Variants in NEK10 observed in about 807,000 individuals in gnomAD.
NEK10 encodes the protein NIMA related kinase 10, also known as serine/threonine-protein kinase Nek10.
In NEK10, 122 loss-of-function variants were observed where a neutral mutation model predicts 159.8. That is an observed-to-expected ratio of 0.76 (90% CI 0.66 to 0.89). The LOEUF (loss-of-function observed/expected upper bound fraction) is 0.89, where lower values mean the gene tolerates loss of function less well. Ranked by LOEUF, NEK10 falls within the 40% of genes least tolerant of loss-of-function variation. The probability of loss-of-function intolerance (pLI) is 0.00; values close to 1 mark genes in which losing one functional copy is unlikely to be tolerated. For missense variants in NEK10, 1,342 were observed against 1,323.1 expected (o/e 1.01, Z -0.22); for synonymous variants, 466 against 457.1 (o/e 1.02, Z -0.25).
chr3:27,123,194 T>C (rs752678030), intron 32 of NEK10, among the ~76,000 whole-genome samples: 5 of 152,116 alleles, frequency 3.3e-5, no homozygotes, highest in Non-Finnish European at 7.4e-5. Context: ...GACAACAGGA[T>C]AATAATGAGC....
At chr3:27,368,071 T>C (rs2049228467) in intron 1 of NEK10, among the ~76,000 whole-genome samples, 1 of 152,080 alleles carries the variant, frequency 6.6e-6, no homozygotes, top group South Asian at 2.1e-4. Flanking sequence ...GGCGGGTGGA[T>C]CACCTGAGAT....
chr3:27,282,653 T>TAACTGTGTTATATATATATAC (rs2042284315), intron 22 of NEK10, among the ~76,000 whole-genome samples: 1 of 138,700 alleles, frequency 7.2e-6, no homozygotes, highest in African/African-American at 2.7e-5. Flanking sequence ...TATATATACA[T>TAACTGTGTTATATATATATAC]AACTGTGTTA....
intron 30 of NEK10, among the ~76,000 whole-genome samples, chr3:27,147,416 T>C (rs900395874): frequency 1.3e-5 from 2 of 152,238 alleles, no homozygotes; most frequent in African/African-American, 4.8e-5. Flanking sequence ...AGTCTAGGCC[T>C]AGATGCCCCT....
intron 6 of NEK10, 77 bp downstream of exon 6, chr3:27,322,100 C>A: frequency 1.4e-6 from 1 of 740,192 alleles, no homozygotes; most frequent in Admixed American, 2.6e-5. Flanking sequence ...ACATGGACTA[C>A]TTCAAAGAAA....
chr3:27,358,968 G>A (rs1166051398), intron 1 of NEK10, among the ~76,000 whole-genome samples: 1 of 152,134 alleles, frequency 6.6e-6, no homozygotes, highest in East Asian at 1.9e-4. Context: ...ACTTTGGGAG[G>A]CCAAGGCAGG....
intron 30 of NEK10, among the ~76,000 whole-genome samples, chr3:27,158,690 G>A (rs1338750532): frequency 6.6e-6 from 1 of 152,188 alleles, no homozygotes; most frequent in Non-Finnish European, 1.5e-5. Context: ...ACCTGAGCAA[G>A]GGAGGGGAAA....
chr3:27,315,252 C>T (rs888800892), intron 6 of NEK10, among the ~76,000 whole-genome samples: 2 of 152,044 alleles, frequency 1.3e-5, no homozygotes, highest in African/African-American at 2.4e-5. Flanking sequence ...TGCACAGGGA[C>T]GAGTACATGA....
At chr3:27,241,053 G>A (rs1954506005) in intron 23 of NEK10, among the ~76,000 whole-genome samples, 1 of 152,124 alleles carries the variant, frequency 6.6e-6, no homozygotes, top group Admixed American at 6.6e-5. Context: ...ACTACAGGGA[G>A]GCAGACAGTC....
chr3:27,328,274 A>T (rs9310842), intron 5 of NEK10, among the ~76,000 whole-genome samples: 98,396 of 152,092 alleles, frequency 0.65, 34,185 homozygotes, highest in East Asian at 0.88. Context: ...ATGCACTTGT[A>T]CTCATGGAGC....
intron 30 of NEK10, among the ~76,000 whole-genome samples, chr3:27,160,400 T>A (rs1945906023): frequency 6.6e-6 from 1 of 152,166 alleles, no homozygotes; most frequent in African/African-American, 2.4e-5. Flanking sequence ...CAACCAATCA[T>A]CCAAATTGAC....
rs1955638001 is a variant in NEK10 at position 27,251,280 on chromosome 3, A to C, written c.2090+5016T>G. On this transcript the variant is annotated intron_variant, in intron 23 of 35. Transcript: ENST00000691995. ...TCTGTCAATACCATGGTCTTTTTCC[A>C]ATTATGCTTATTTTTGAAAATCCCT... Among the ~76,000 whole-genome samples the C allele has an allele frequency of 2.0e-5, 3 of 152,118 alleles. No homozygotes were observed. In the South Asian group the frequency reaches 6.2e-4, roughly 32 times the overall value.
intron 23 of NEK10, among the ~76,000 whole-genome samples, chr3:27,212,221 A>C (rs1951070055): frequency 3.3e-5 from 5 of 152,216 alleles, no homozygotes; most frequent in Non-Finnish European, 1.5e-5. Flanking sequence ...TACAGTATTA[A>C]AATCTGTGTT....
At position 27,170,967 on chromosome 3, in the gene NEK10, C is replaced by T. The variant is rs562142300; in HGVS notation, c.2831+852G>A. Among the ~76,000 whole-genome samples the T allele has an allele frequency of 4.4e-4, 67 of 152,184 alleles. 1 individual carries two copies. The South Asian group carries it at 0.014, about 32-fold the overall frequency. ...ATTGGTCTCTTCTCCTTCCTCTGTC[C>T]CAAATGCCCTGAGTTCATCCTGATT... is the stretch of plus-strand genomic sequence containing the variant. On this transcript the variant is annotated intron_variant, in intron 29 of 35. Transcript: ENST00000691995.
intron 30 of NEK10, among the ~76,000 whole-genome samples, chr3:27,144,545 G>A (rs910001142): frequency 1.3e-5 from 2 of 152,118 alleles, no homozygotes; most frequent in Admixed American, 6.5e-5. Flanking sequence ...TCTACACCTC[G>A]GTCAACAATA....
rs180847801 is a variant in NEK10 at position 27,135,040 on chromosome 3, C to T, written c.2971-3050G>A. ...ATTATGTAACATGCAAGAATACTTT[C>T]TGAGCAGCGTCTTCTAGCACAGCCA... On this transcript the variant is annotated intron_variant, in intron 31 of 35. Transcript: ENST00000691995. 3.3e-4 allele frequency among the ~76,000 whole-genome samples: 51 copies of T among 152,268 alleles called. No homozygotes were observed. The East Asian group carries it at 9.8e-3, about 29-fold the overall frequency.
In NEK10 at chr3:27,162,004, CA is replaced by C. The variant is rs1361962129; in HGVS notation, c.2869+696del. Among the ~76,000 whole-genome samples the C allele has an allele frequency of 5.8e-3, 683 of 117,458 alleles. 6 individuals carry two copies. Among genetic ancestry groups the C allele is most frequent in the African/African-American group, 0.018 (562 of 31,802 alleles). 77.1% of individuals were successfully genotyped at this position (117,458 alleles called of 152,430 possible). A position where few individuals can be genotyped will look rare whatever the true frequency, so the allele number is the denominator to read the frequency against. ...TGGGTGACAAAGTGAGATTCTGTCT[CA>C]AAAAAAAAAAGAAAAGAAAAGAAAC... On this transcript the variant is annotated intron_variant, in intron 30 of 35. Coordinates refer to ENST00000691995, the MANE Select transcript of NEK10 (RefSeq NM_001394966.1).
chr3:27,174,459 G>T lies in NEK10; in HGVS notation c.2756C>A (p.Pro919His). 2.5e-6 allele frequency: 4 copies of T among 1,612,076 alleles called. No homozygotes were observed. The South Asian group carries it at 4.4e-5, about 18-fold the overall frequency. Residue 919 changes from proline (P) to histidine (H), a missense_variant, in exon 28 of 36, where the codon CCT becomes CAT. Transcript: ENST00000691995. Reference sequence around the variant, plus strand: ...CTTACTGAATGTAGATTCTTTCAGAGGGCTTGAACTGGAGCTGCTGGAGTT... The same window carrying T: ...CTTACTGAATGTAGATTCTTTCAGATGGCTTGAACTGGAGCTGCTGGAGTT... Reference protein sequence around the residue: ...SDNSSSSSSSPLKESTFNILK... With the variant: ...SDNSSSSSSSHLKESTFNILK...
rs769793701 is a variant in NEK10 at position 27,309,024 on chromosome 3, T to C, written c.637-19A>G. Reference sequence around the variant, plus strand: ...CTAATGTCTGAAAAATGAAGTAAAATAAAGTTTAATTATATAAGTACTACA... The same window carrying C: ...CTAATGTCTGAAAAATGAAGTAAAACAAAGTTTAATTATATAAGTACTACA... On this transcript the variant is annotated intron_variant, in intron 9 of 35. Transcript: ENST00000691995. 11 of 1,328,782 alleles carry C rather than the reference T, an allele frequency of 8.3e-6. No homozygotes were observed. Among genetic ancestry groups the C allele is most frequent in the Non-Finnish European group, 1.2e-5 (11 of 932,600 alleles). 82.3% of individuals were successfully genotyped at this position (1,328,782 alleles called of 1,614,324 possible). A position where few individuals can be genotyped will look rare whatever the true frequency, so the allele number is the denominator to read the frequency against.
chr3:27,264,960 T>C (rs2040765275), intron 22 of NEK10, among the ~76,000 whole-genome samples: 1 of 151,808 alleles, frequency 6.6e-6, no homozygotes, highest in African/African-American at 2.4e-5. Flanking sequence ...AAATCATCAG[T>C]GTAGTTCACC....
Sources: allele counts gnomAD v4.1 joint callset (sites outside exome capture counted in the v4.1 genomes callset), GRCh38; gene constraint gnomAD v4.1.1; transcripts MANE v1.5; gene names NCBI Gene and HGNC (gene_info 2026-07-23, HGNC 2026-07-21).